Variants in PRRC2A observed in about 807,000 individuals in gnomAD.
The protein encoded by PRRC2A is protein PRRC2A.
Under a neutral mutation model 224.6 loss-of-function variants are expected in PRRC2A, and 59 were observed. That is an observed-to-expected ratio of 0.26 (90% CI 0.21 to 0.33). The LOEUF (loss-of-function observed/expected upper bound fraction) is 0.33, where lower values mean the gene tolerates loss of function less well. Ranked by LOEUF, PRRC2A falls within the 10% of genes least tolerant of loss-of-function variation. The pLI, the probability that PRRC2A is intolerant of heterozygous loss-of-function variation, is 1.00. For missense variants in PRRC2A, 3,095 were observed against 2,880.7 expected, an observed-to-expected ratio of 1.07 and a Z score of -1.70; for synonymous variants, 1,194 against 1,109.5, an observed-to-expected ratio of 1.08 and a Z score of -1.51.
Position 31,631,476 on chromosome 6 carries a change from C to T in PRRC2A, c.2803C>T (p.Arg935Cys), listed in dbSNP as rs563466454. The T allele has an allele frequency of 6.7e-5, 108 of 1,610,184 alleles. 1 individual carries two copies. Among genetic ancestry groups the T allele is most frequent in the Admixed American group, 1.2e-4 (7 of 59,594 alleles). ...RWGPRPGSSR[R>C]GIPPEEPGAP... ...GGGCCCTCGTCCAGGGAGCAGTCGT[C>T]GTGGAATCCCTCCAGAGGAGCCAGG... Residue 935 changes from arginine (R) to cysteine (C), a missense_variant, in exon 16 of 31, where the codon CGT becomes TGT. Transcript: ENST00000376033. The surrounding 1 kb of genome is among the most constrained non-coding windows in gnomAD (Gnocchi z 4.5).
rs771952389 is a variant in PRRC2A, at chr6:31,634,576, G to T, written c.4935+19G>T. 2 of 1,607,500 alleles carry T rather than the reference G, an allele frequency of 1.2e-6. No individual in the cohort carries two copies. Among genetic ancestry groups the T allele is most frequent in the Admixed American group, 1.7e-5 (1 of 58,894 alleles). ...CACAGAAGTGAGTGAGGGTGGGAGG[G>T]TGTGTCTGAGCTGGGACTTTTTTGA... On this transcript the variant is annotated intron_variant, in intron 20 of 30. Coordinates refer to ENST00000376033, the MANE Select transcript of PRRC2A (RefSeq NM_004638.4).
chr6:31,628,128 G>T lies in PRRC2A; in HGVS notation c.1654G>T (p.Ala552Ser), dbSNP rs761845773. ...GACAGAACCTGAAGAGCCAGCACAG[G>T]CCCCTCCTGCCCAATCTACTCCTAC... ...PETEPEEPAQ[A>S]PPAQSTPTPG... The change falls in exon 12 of 31, where the codon GCC becomes TCC. Residue 552 changes from alanine (A) to serine (S), a missense_variant. By Grantham distance (99) the Ala-to-Ser change is moderately conservative. Coordinates refer to ENST00000376033, the MANE Select transcript of PRRC2A (RefSeq NM_004638.4). 6.2e-7 allele frequency: 1 copy of T among 1,613,084 alleles called. No individual in the cohort carries two copies. Among genetic ancestry groups the T allele is most frequent in the South Asian group, 1.1e-5 (1 of 91,084 alleles).
At position 31,625,732 on chromosome 6, in the gene PRRC2A, A is replaced by C. The variant is rs1194130740; in HGVS notation, c.760-60A>C. On this transcript the variant is annotated intron_variant, in intron 7 of 30. Coordinates refer to ENST00000376033, the MANE Select transcript of PRRC2A (RefSeq NM_004638.4). The surrounding 1 kb of genome is among the most constrained non-coding windows in gnomAD (Gnocchi z 4.1). ...TGGGAGGATGATTGATAGCAGGCTT[A>C]AGGAGCTAGAAGGGTATATGACTGT... 2 of 1,560,138 alleles carry C rather than the reference A, an allele frequency of 1.3e-6. No homozygotes were observed. The highest frequency in any genetic ancestry group is 1.8e-6 in the Non-Finnish European group (2 of 1,131,136).
Position 31,635,649 on chromosome 6 carries a change from A to G in PRRC2A, c.5441A>G (p.Lys1814Arg). ...SAAASAEPQSKNLDSGHCVPE... is the reference protein window; with the variant it reads ...SAAASAEPQSRNLDSGHCVPE... The stretch of plus-strand genomic sequence containing the variant: ...GCTGCCTCTGCTGAGCCACAATCCA[A>G]GAACCTGGATTCTGGGCACTGTGTC... Residue 1814 changes from lysine to arginine, a missense_variant, in exon 24 of 31, where the codon AAG becomes AGG. Lys to Arg is a conservative substitution (Grantham distance 26). Coordinates refer to ENST00000376033, the MANE Select transcript of PRRC2A (RefSeq NM_004638.4). 2 of 1,612,804 alleles carry G rather than the reference A, an allele frequency of 1.2e-6. No homozygotes were observed. The highest frequency in any genetic ancestry group is 1.7e-6 in the Non-Finnish European group (2 of 1,179,870).
At position 31,628,796 on chromosome 6, in the gene PRRC2A, A is replaced by G. The variant is rs148613310; in HGVS notation, c.1766-348A>G. ...GCAGAGATTTCTGTGAGCCAAGACC[A>G]TGCCATTGCACTCCAGCCTGGGTGA... On this transcript the variant is annotated intron_variant, in intron 12 of 30. Coordinates refer to ENST00000376033, the MANE Select transcript of PRRC2A (RefSeq NM_004638.4). 2.2e-3 allele frequency: 594 copies of G among 275,884 alleles called. 1 individual carries two copies. The highest frequency in any genetic ancestry group is 7.2e-3 in the Middle Eastern group (6 of 830). 17.1% of individuals were successfully genotyped at this position (275,884 alleles called of 1,614,324 possible).
At chr6:31,624,789 G>A in intron 5 of PRRC2A, 1 of 562,652 alleles carries the variant, frequency 1.8e-6, no homozygotes, top group East Asian at 2.9e-5. Flanking sequence ...TCTGGTACCT[G>A]TCAGAGCCTT....
chr6:31,626,948 G>T, intron 10 of PRRC2A, 34 bp from the exon 11 acceptor site: 6 of 1,613,660 alleles, frequency 3.7e-6, no homozygotes, highest in Non-Finnish European at 3.4e-6. Context: ...ATTAGTTGCA[G>T]CTGATTTTAA....
intron 17 of PRRC2A, 99 bp from the exon 18 acceptor site, chr6:31,633,760 C>CA: frequency 1.3e-6 from 2 of 1,529,032 alleles, no homozygotes; most frequent in Non-Finnish European, 1.7e-6. Flanking sequence ...TGCGTTTCTG[C>CA]AGGGAGCAAG....
chr6:31,622,579 G>GA, intron 1 of PRRC2A, 111 bp from the exon 2 acceptor site: 1 of 510,120 alleles, frequency 2.0e-6, no homozygotes, highest in African/African-American at 2.0e-5. Flanking sequence ...GGTTGCTTGA[G>GA]AAGAGTGGGC....
intron 1 of PRRC2A, among the ~76,000 whole-genome samples, chr6:31,621,298 C>A (rs574832857): frequency 6.8e-6 from 1 of 147,514 alleles, no homozygotes; most frequent in Non-Finnish European, 1.5e-5. Flanking sequence ...GTGTTCCCCC[C>A]TCTGGACGCC....
intron 3 of PRRC2A, among the ~76,000 whole-genome samples, 163 bp downstream of exon 3, chr6:31,624,072 CTT>C (rs1271363519): frequency 1.3e-5 from 2 of 152,174 alleles, no homozygotes; most frequent in African/African-American, 4.8e-5. Context: ...TGGTACTAAA[CTT>C]TAGCTTTTTG....
rs1400170339 is a variant in PRRC2A, at chr6:31,626,102, A to G, written c.922A>G (p.Lys308Glu). 6.2e-7 allele frequency: 1 copy of G among 1,612,864 alleles called. No individual in the cohort carries two copies. The highest frequency in any genetic ancestry group is 1.1e-5 in the South Asian group (1 of 91,086). Residue 308 changes from lysine (K) to glutamate (E), a missense_variant, in exon 9 of 31, where the codon AAA becomes GAA. Lys to Glu is a moderately conservative substitution (Grantham distance 56). Around this residue, in one of 8 missense-constraint regions of PRRC2A, gnomAD observed 287 missense variants for 275.3 expected, o/e 1.04. Coordinates refer to ENST00000376033, the MANE Select transcript of PRRC2A (RefSeq NM_004638.4). Reference sequence around the variant, plus strand: ...GCCTGTGGGTCGTCCCTCTATTCTCAAAGAGGATAATCTCAAAGAGTTTGA... The same window carrying G: ...GCCTGTGGGTCGTCCCTCTATTCTCGAAGAGGATAATCTCAAAGAGTTTGA... The part of the protein sequence containing the change: ...VEPVGRPSIL[K>E]EDNLKEFDQL...
At position 31,631,564 on chromosome 6, in the gene PRRC2A, T is replaced by G; in HGVS notation, c.2891T>G (p.Leu964Arg). 1 of 1,592,124 alleles carries G rather than the reference T, an allele frequency of 6.3e-7. No homozygotes were observed. Among genetic ancestry groups the G allele is most frequent in the Non-Finnish European group, 8.5e-7 (1 of 1,172,332 alleles). Residue 964 changes from leucine to arginine, a missense_variant, in exon 16 of 31, where the codon CTG becomes CGG. Transcript: ENST00000376033. The surrounding 1 kb of genome is among the most constrained non-coding windows in gnomAD (Gnocchi z 4.5). ...KPPPPTKVEE[L>R]PPKPLEQGDE... is the part of the protein sequence containing the mutation. ...CCACCACCTACAAAAGTAGAAGAGC[T>G]GCCTCCCAAGCCCCTCGAACAGGGG... is the stretch of plus-strand genomic sequence containing the variant.
intron 9 of PRRC2A, 48 bp downstream of exon 9, chr6:31,626,210 C>T (rs1290796386): frequency 4.4e-6 from 7 of 1,573,860 alleles, no homozygotes; most frequent in Non-Finnish European, 6.1e-6. Context: ...AAGGCAAAAC[C>T]TAATGAGGAA....
intron 5 of PRRC2A, 64 bp downstream of exon 5, chr6:31,624,586 G>A: frequency 6.6e-7 from 1 of 1,517,692 alleles, no homozygotes; most frequent in East Asian, 2.3e-5. Flanking sequence ...ACCCTGCACT[G>A]TATTTTCAGC....
At chr6:31,628,805 C>T (rs961592942) in intron 12 of PRRC2A, 2 of 287,648 alleles carry the variant, frequency 7.0e-6, no homozygotes, top group Non-Finnish European at 1.3e-5. Context: ...CATGCCATTG[C>T]ACTCCAGCCT....
chr6:31,631,710 T>C lies in PRRC2A; in HGVS notation c.3037T>C (p.Tyr1013His). Residue 1013 changes from tyrosine to histidine, a missense_variant, in exon 16 of 31, where the codon TAT (tyrosine) becomes CAT (histidine). Around this residue, in one of 8 missense-constraint regions of PRRC2A, gnomAD observed 2,001 missense variants for 1,764.9 expected, o/e 1.13. Transcript: ENST00000376033. The surrounding 1 kb of genome is among the most constrained non-coding windows in gnomAD (Gnocchi z 4.5). ...CCCTGCCCCAAGGCTTCGGAGGGAC[T>C]ATTCGTATGAAAGAGTGGGTCCTAC... ...LSPAPRLRRD[Y>H]SYERVGPTSC... 6.6e-7 allele frequency: 1 copy of C among 1,518,254 alleles called. No homozygotes were observed. Among genetic ancestry groups the C allele is most frequent in the Non-Finnish European group, 8.8e-7 (1 of 1,134,286 alleles). 94.0% of individuals were successfully genotyped at this position (1,518,254 alleles called of 1,614,324 possible). A position where few individuals can be genotyped will look rare whatever the true frequency, so the allele number is the denominator to read the frequency against.
At position 31,625,590 on chromosome 6, in the gene PRRC2A, C is replaced by T. The variant is rs1775814584; in HGVS notation, c.738C>T (p.Tyr246=). The T allele has an allele frequency of 6.4e-7, 1 of 1,572,558 alleles. No individual in the cohort carries two copies. Among genetic ancestry groups the T allele is most frequent in the Non-Finnish European group, 8.6e-7 (1 of 1,157,974 alleles). The change falls in exon 7 of 31, where the codon TAC becomes TAT. Residue 246 remains tyrosine (Y), a synonymous_variant. Coordinates refer to ENST00000376033, the MANE Select transcript of PRRC2A (RefSeq NM_004638.4). The surrounding 1 kb of genome is among the most constrained non-coding windows in gnomAD (Gnocchi z 4.1). The stretch of plus-strand genomic sequence containing the variant: ...CAGGCCCACCCCAGTTCCCTCCCTA[C>T]CGCGGAATGATGCCGCCTTTCGTGA... ...QPSGPPQFPP[Y]RGMMPPFMYP...
In PRRC2A at chr6:31,627,732, C is replaced by T. The variant is rs1222478877; in HGVS notation, c.1291-33C>T. 4 of 1,604,552 alleles carry T rather than the reference C, an allele frequency of 2.5e-6. No individual in the cohort carries two copies. The highest frequency in any genetic ancestry group is 1.7e-5 in the Admixed American group (1 of 59,506). ...ATGATAGAAAGCATAGTAACTGATT[C>T]CCCTGGCCCTGCTGGGTCTTGCCAA... On this transcript the variant is annotated intron_variant, in intron 11 of 30. Coordinates refer to ENST00000376033, the MANE Select transcript of PRRC2A (RefSeq NM_004638.4). This position sits in a 1 kb window ranked among gnomAD's most constrained non-coding sequence, Gnocchi z 5.6.
Sources: gnomAD v4.1 joint callset for allele counts (sites outside exome capture counted in the v4.1 genomes callset) on GRCh38, gnomAD v4.1.1 for gene constraint, gnomAD v4.1.1 regional missense constraint, Gnocchi (gnomAD v3.1) non-coding constraint, MANE v1.5 for transcripts, NCBI Gene and HGNC (gene_info 2026-07-23, HGNC 2026-07-21) for gene names.